CNTN5: variants seen among roughly 807,000 people sequenced by gnomAD.
The protein encoded by CNTN5 is contactin 5, also known as contactin-5.
Under a neutral mutation model 129.1 loss-of-function variants are expected in CNTN5, and 77 were observed. The ratio of observed to expected loss-of-function variants is 0.60; its 90% CI spans 0.50 to 0.72. The LOEUF (loss-of-function observed/expected upper bound fraction) is 0.72, where lower values mean the gene tolerates loss of function less well. Among genes scored for constraint, CNTN5 ranks in the 30% least tolerant of loss-of-function variants. The pLI is 0.00. For synonymous variants in CNTN5, 509 were observed against 465.6 expected (o/e 1.09, Z -1.20); for missense variants, 1,478 against 1,328.8 (o/e 1.11, Z -1.75).
At chr11:100,214,651 T>C (rs1487834056) in intron 15 of CNTN5, among the ~76,000 whole-genome samples, 1 of 152,174 alleles carries the variant, frequency 6.6e-6, no homozygotes, top group Non-Finnish European at 1.5e-5. Context: ...CTTGAGGCCC[T>C]TCCAGCTTTC....
At chr11:100,273,127 G>A (rs1420721436) in intron 18 of CNTN5, among the ~76,000 whole-genome samples, 1 of 152,064 alleles carries the variant, frequency 6.6e-6, no homozygotes, top group Non-Finnish European at 1.5e-5. Flanking sequence ...GCCTCAGTAT[G>A]GCCACACCTG....
At chr11:100,169,255 G>GGTGAAGT (rs1394942016) in intron 13 of CNTN5, among the ~76,000 whole-genome samples, 1 of 151,936 alleles carries the variant, frequency 6.6e-6, no homozygotes, top group Non-Finnish European at 1.5e-5. Flanking sequence ...AGCTCTGTTG[G>GGTGAAGT]GTGAAGTATG....
chr11:99,705,587 T>A (rs1391163030), intron 3 of CNTN5, among the ~76,000 whole-genome samples: 1 of 151,414 alleles, frequency 6.6e-6, no homozygotes, highest in African/African-American at 2.4e-5. Context: ...TCAGGTTTGC[T>A]TGTTCTAGAG....
chr11:99,784,795 GTTTT>G (rs55715264), intron 3 of CNTN5, among the ~76,000 whole-genome samples: 9 of 93,916 alleles, frequency 9.6e-5, no homozygotes, highest in Non-Finnish European at 1.4e-4. Context: ...ATCTCATTGT[GTTTT>G]TTTTTTTTTT....
intron 13 of CNTN5, among the ~76,000 whole-genome samples, chr11:100,185,104 A>C (rs972358927): frequency 2.6e-5 from 4 of 152,096 alleles, no homozygotes; most frequent in African/African-American, 7.2e-5. Context: ...GAAGACTGTG[A>C]GTCAATTAAA....
intron 3 of CNTN5, among the ~76,000 whole-genome samples, chr11:99,790,778 A>G (rs552631241): frequency 3.9e-5 from 6 of 152,136 alleles, no homozygotes; most frequent in Non-Finnish European, 8.8e-5. Context: ...ACTAAGTTAC[A>G]TTCCCACTAG....
intron 3 of CNTN5, among the ~76,000 whole-genome samples, chr11:99,728,758 G>A (rs1039426780): frequency 2.0e-5 from 3 of 152,152 alleles, no homozygotes; most frequent in Non-Finnish European, 4.4e-5. Flanking sequence ...CAGCTTTGCT[G>A]AAGGGGAGCA....
intron 21 of CNTN5, among the ~76,000 whole-genome samples, chr11:100,326,262 A>G (rs1205666069): frequency 6.6e-6 from 1 of 152,232 alleles, no homozygotes; most frequent in Non-Finnish European, 1.5e-5. Flanking sequence ...TGGCTCATAC[A>G]TAATAGGTAT....
intron 3 of CNTN5, among the ~76,000 whole-genome samples, chr11:99,708,879 C>T (rs1265789456): frequency 6.6e-6 from 1 of 151,764 alleles, no homozygotes; most frequent in Non-Finnish European, 1.5e-5. Context: ...TCCATCCTCT[C>T]TTTCCCTTAT....
At chr11:99,735,025 A>AAAAAC (rs1943657911) in intron 3 of CNTN5, among the ~76,000 whole-genome samples, 1 of 148,692 alleles carries the variant, frequency 6.7e-6, no homozygotes, top group Non-Finnish European at 1.5e-5. Context: ...AAACAAAAAC[A>AAAAAC]AAAGTTCTGT....
At chr11:99,458,213 CCTT>C (rs1944563000) in intron 2 of CNTN5, among the ~76,000 whole-genome samples, 1 of 151,782 alleles carries the variant, frequency 6.6e-6, no homozygotes, top group Non-Finnish European at 1.5e-5. Context: ...TTAATTCTAT[CCTT>C]ATTTTTTTAT....
chr11:99,641,380 T>G (rs1951763553), intron 3 of CNTN5, among the ~76,000 whole-genome samples: 1 of 149,578 alleles, frequency 6.7e-6, no homozygotes, highest in Non-Finnish European at 1.5e-5. Flanking sequence ...ATACCTCAAT[T>G]CTAGTTACTA....
At chr11:99,165,020 A>AC (rs1555066146) in intron 1 of CNTN5, among the ~76,000 whole-genome samples, 2 of 151,506 alleles carry the variant, frequency 1.3e-5, no homozygotes, top group Non-Finnish European at 2.9e-5. Flanking sequence ...AATTTCTTCA[A>AC]TTTTTTTTTA....
chr11:100,134,191 A>G (rs997850505), intron 13 of CNTN5, among the ~76,000 whole-genome samples: 1 of 152,170 alleles, frequency 6.6e-6, no homozygotes, highest in African/African-American at 2.4e-5. Flanking sequence ...TACATTCAAA[A>G]ATAAACTTAT....
chr11:99,429,932 TA>T (rs61293263), intron 2 of CNTN5, among the ~76,000 whole-genome samples: 13 of 149,060 alleles, frequency 8.7e-5, no homozygotes, highest in South Asian at 4.3e-4. Flanking sequence ...CAGACCATGG[TA>T]AAAAAAAAAG....
chr11:99,165,122 T>C (rs559148986), intron 1 of CNTN5, among the ~76,000 whole-genome samples: 10 of 152,306 alleles, frequency 6.6e-5, no homozygotes, highest in African/African-American at 2.2e-4. Context: ...ATGAAATTTA[T>C]TGCAAATGAG....
At chr11:99,675,436 A>G (rs936733735) in intron 3 of CNTN5, among the ~76,000 whole-genome samples, 11 of 152,138 alleles carry the variant, frequency 7.2e-5, no homozygotes, top group African/African-American at 2.2e-4. Flanking sequence ...TAATCCTAGC[A>G]CTTTGGGAGG....
chr11:99,886,602 C>A (rs1422977474), intron 6 of CNTN5, among the ~76,000 whole-genome samples: 1 of 152,044 alleles, frequency 6.6e-6, no homozygotes, highest in Non-Finnish European at 1.5e-5. Context: ...AAACCATATA[C>A]CATGAGACAT....
At chr11:99,159,236 A>G (rs974130491) in intron 1 of CNTN5, among the ~76,000 whole-genome samples, 13 of 152,240 alleles carry the variant, frequency 8.5e-5, no homozygotes, top group Non-Finnish European at 1.5e-4. Context: ...TTTTAAAAAT[A>G]TATATCTAAT....
Sources: gnomAD v4.1 joint callset for allele counts (sites outside exome capture counted in the v4.1 genomes callset) on GRCh38, gnomAD v4.1.1 for gene constraint, MANE v1.5 for transcripts, NCBI Gene and HGNC (gene_info 2026-07-23, HGNC 2026-07-21) for gene names.